The following INPP5A variants were observed in gnomAD, a reference collection of about 807,000 sequenced individuals.
The protein encoded by INPP5A is inositol polyphosphate-5-phosphatase A, also known as 43 kDa inositol polyphosphate 5-phophatase.
A neutral mutation model predicts 65.2 loss-of-function variants in INPP5A; 14 were observed. That is an observed-to-expected ratio of 0.21 (90% CI 0.14 to 0.34). The LOEUF is 0.34. Ranked by LOEUF, INPP5A falls within the 10% of genes least tolerant of loss-of-function variation. INPP5A has a pLI of 1.00. For missense variants in INPP5A, 431 were observed against 545.6 expected (o/e 0.79, Z 2.09); for synonymous variants, 207 against 208.3 (o/e 0.99, Z 0.05).
At chr10:132,653,805 G>A (rs1193892338) in intron 4 of INPP5A, among the ~76,000 whole-genome samples, 3 of 152,236 alleles carry the variant, frequency 2.0e-5, no homozygotes, top group Non-Finnish European at 4.4e-5. Flanking sequence ...GCTGCAGATC[G>A]TACGGCAGCC....
chr10:132,721,614 G>A (rs1323030759), intron 8 of INPP5A, among the ~76,000 whole-genome samples: 3 of 150,304 alleles, frequency 2.0e-5, no homozygotes, highest in Non-Finnish European at 4.4e-5. Flanking sequence ...GGTTCTGTCT[G>A]GGCACCTTAG....
chr10:132,540,115 G>A (rs915599326), intron 1 of INPP5A, among the ~76,000 whole-genome samples: 1 of 152,204 alleles, frequency 6.6e-6, no homozygotes, highest in Non-Finnish European at 1.5e-5. Context: ...ATTCAGATCC[G>A]TTAGCTGCGG....
chr10:132,716,076 A>G (rs751099104), intron 8 of INPP5A, among the ~76,000 whole-genome samples: 1 of 152,174 alleles, frequency 6.6e-6, no homozygotes, highest in Non-Finnish European at 1.5e-5. Context: ...TGCGATCTTC[A>G]TTTTGTTGAA....
rs111750177 is a variant in INPP5A at position 132,696,335 on chromosome 10, TG to T, written c.371-1479del. 4.4e-3 allele frequency among the ~76,000 whole-genome samples: 671 copies of T among 152,212 alleles called. 3 individuals carry two copies. The highest frequency in any genetic ancestry group is 0.015 in the African/African-American group (643 of 41,512). ...TGACAAACTGACTGTAAAGGTTATG[TG>T]GAAAGCAAAATACCCAGAATAGCCC... On this transcript the variant is annotated intron_variant, in intron 5 of 15. Transcript: ENST00000368594.
chr10:132,540,786 T>C (rs527765567), intron 1 of INPP5A, among the ~76,000 whole-genome samples: 1 of 152,358 alleles, frequency 6.6e-6, no homozygotes, highest in South Asian at 2.1e-4. Context: ...GGAATCTTTC[T>C]CGCCCAGTCT....
chr10:132,564,740 G>T (rs1029909623), intron 1 of INPP5A, among the ~76,000 whole-genome samples: 2 of 152,214 alleles, frequency 1.3e-5, no homozygotes, highest in Admixed American at 6.5e-5. Flanking sequence ...GCCAGTGGCC[G>T]CTGGGCCCAG....
At chr10:132,726,013 G>A (rs1045036801) in intron 8 of INPP5A, among the ~76,000 whole-genome samples, 3 of 152,018 alleles carry the variant, frequency 2.0e-5, no homozygotes, top group Non-Finnish European at 4.4e-5. Context: ...AGCAGTTCAC[G>A]GCGTTACTGA....
intron 1 of INPP5A, among the ~76,000 whole-genome samples, chr10:132,569,738 A>G (rs1683766053): frequency 6.6e-6 from 1 of 150,918 alleles, no homozygotes; most frequent in Non-Finnish European, 1.5e-5. Flanking sequence ...TCCTGACCTC[A>G]GGTGATCCAC....
rs779584545 is a variant in INPP5A, at chr10:132,607,932, G to T, written c.93G>T (p.Lys31Asn). 1.1e-5 allele frequency: 17 copies of T among 1,611,352 alleles called. No homozygotes were observed. Among genetic ancestry groups the T allele is most frequent in the Non-Finnish European group, 1.4e-5 (17 of 1,179,992 alleles). The change falls in exon 2 of 16, where the codon AAG (lysine) becomes AAT (asparagine). Residue 31 changes from lysine (K) to asparagine (N), a missense_variant. Coordinates refer to ENST00000368594, the MANE Select transcript of INPP5A (RefSeq NM_005539.5). ...ATTTACAGCCAGAAAACCTGCAGAA[G>T]AACTGGCTTCGGGAATTTTACCAGG... The part of the protein sequence containing the change: ...SLFDDPENLQ[K>N]NWLREFYQVV...
intron 8 of INPP5A, among the ~76,000 whole-genome samples, chr10:132,713,597 G>T (rs1481094274): frequency 1.3e-5 from 2 of 152,122 alleles, no homozygotes; most frequent in Non-Finnish European, 2.9e-5. Context: ...GACCGCCCCT[G>T]ACCTCCGTCT....
chr10:132,727,054 C>G lies in INPP5A; in HGVS notation c.732+149C>G, dbSNP rs1845998833. ...AAGGCAAAACCTTTCAATGAAGAAG[C>G]ATGTTTTGCTGTCGGCAGAGGGATC... On this transcript the variant is annotated intron_variant, in intron 9 of 15. Transcript: ENST00000368594. This position sits in a 1 kb window ranked among gnomAD's most constrained non-coding sequence, Gnocchi z 6.5. The G allele has an allele frequency of 1.9e-6, 1 of 513,942 alleles. No individual in the cohort carries two copies. Among genetic ancestry groups the G allele is most frequent in the Non-Finnish European group, 3.4e-6 (1 of 293,786 alleles). 31.8% of individuals were successfully genotyped at this position (513,942 alleles called of 1,614,324 possible).
At chr10:132,646,261 G>A (rs907552758) in intron 3 of INPP5A, among the ~76,000 whole-genome samples, 5 of 152,266 alleles carry the variant, frequency 3.3e-5, no homozygotes, top group East Asian at 1.9e-4. Context: ...AGCCGTCTCC[G>A]TGTGTGTGTG....
intron 1 of INPP5A, among the ~76,000 whole-genome samples, chr10:132,564,877 C>G (rs944507540): frequency 1.3e-5 from 2 of 152,098 alleles, no homozygotes; most frequent in Non-Finnish European, 2.9e-5. Context: ...CCCCGTATGC[C>G]TGGGCCTGTG....
intron 4 of INPP5A, among the ~76,000 whole-genome samples, chr10:132,679,857 G>T (rs576020596): frequency 2.0e-5 from 3 of 152,228 alleles, no homozygotes; most frequent in Non-Finnish European, 4.4e-5. Context: ...GGGTGCAAGA[G>T]CATTCCATGG....
At chr10:132,756,165 TG>T (rs200467339) in intron 11 of INPP5A, among the ~76,000 whole-genome samples, 54 of 151,530 alleles carry the variant, frequency 3.6e-4, no homozygotes, top group South Asian at 2.9e-3. Context: ...AAAGCAAGTG[TG>T]GGGGGGGAGT....
intron 11 of INPP5A, among the ~76,000 whole-genome samples, chr10:132,756,954 A>C (rs1380242016): frequency 1.3e-5 from 2 of 152,246 alleles, no homozygotes; most frequent in African/African-American, 4.8e-5. Context: ...ATGTTTTAAG[A>C]TTTTGAAATA....
At chr10:132,548,860 AG>A (rs528523765) in intron 1 of INPP5A, among the ~76,000 whole-genome samples, 54 of 137,648 alleles carry the variant, frequency 3.9e-4, no homozygotes, top group Non-Finnish European at 6.9e-4. Context: ...GCGGTGGCGC[AG>A]TCACCACTCA....
chr10:132,596,837 G>C (rs981644459), intron 1 of INPP5A, among the ~76,000 whole-genome samples: 1 of 141,536 alleles, frequency 7.1e-6, no homozygotes, highest in Non-Finnish European at 1.6e-5. Context: ...GCTTGTGTGC[G>C]TGTGTGCATG....
chr10:132,734,780 G>A (rs539260117), intron 9 of INPP5A, among the ~76,000 whole-genome samples: 43 of 152,360 alleles, frequency 2.8e-4, no homozygotes, highest in African/African-American at 9.9e-4. Flanking sequence ...AAGTGTCTGT[G>A]CACATCTCTC....
Sources: allele counts gnomAD v4.1 joint callset (sites outside exome capture counted in the v4.1 genomes callset), GRCh38; gene constraint gnomAD v4.1.1; non-coding constraint Gnocchi (gnomAD v3.1); transcripts MANE v1.5; gene names NCBI Gene and HGNC (gene_info 2026-07-23, HGNC 2026-07-21).